PTPRM: variants seen among roughly 807,000 people sequenced by gnomAD.
The protein encoded by PTPRM is protein tyrosine phosphatase receptor type M.
Under a neutral mutation model 186.7 loss-of-function variants are expected in PTPRM, and 47 were observed. That is an observed-to-expected ratio of 0.25 (90% CI 0.20 to 0.32). The LOEUF is 0.32. Ranked by LOEUF, PTPRM falls within the 10% of genes least tolerant of loss-of-function variation. The probability of loss-of-function intolerance (pLI) is 1.00; values close to 1 mark genes in which losing one functional copy is unlikely to be tolerated. For synonymous variants in PTPRM, 668 were observed against 674.9 expected, an observed-to-expected ratio of 0.99 and a Z score of 0.16; for missense variants, 1,494 against 1,865.0, an observed-to-expected ratio of 0.80 and a Z score of 3.66.
rs377182615 is a variant in PTPRM, at chr18:7,842,930, G to GTGTA, written c.197-45175_197-45174insGTAT. Among the ~76,000 whole-genome samples, 954 of 100,842 alleles carry GTGTA rather than the reference G, an allele frequency of 9.5e-3. 12 individuals are homozygous for GTGTA. The highest frequency in any genetic ancestry group is 0.017 in the South Asian group (50 of 2,920). The allele number at this position is 100,842 out of a possible 152,430, so 66.2% of individuals were successfully genotyped here. On this transcript the variant is annotated intron_variant, in intron 2 of 32. Coordinates refer to ENST00000580170, the MANE Select transcript of PTPRM (RefSeq NM_001105244.2). ...CTCATATGTGTGTGTGTGTGTGTGTGTATATATATATATATATAGAGAGAG... is the reference window on the plus strand; with the variant it reads ...CTCATATGTGTGTGTGTGTGTGTGTGTGTATATATATATATATATATAGAGAGAG...
chr18:8,369,070 TGGATG>T (rs374049189), intron 23 of PTPRM, among the ~76,000 whole-genome samples: 2 of 151,944 alleles, frequency 1.3e-5, no homozygotes, highest in African/African-American at 4.8e-5. Context: ...TGGGAAGAAA[TGGATG>T]GGAGGAGAAT....
At chr18:7,761,394 C>T (rs971621683) in intron 1 of PTPRM, among the ~76,000 whole-genome samples, 8 of 152,112 alleles carry the variant, frequency 5.3e-5, no homozygotes, top group Non-Finnish European at 5.9e-5. Context: ...GAAACAAAAG[C>T]GGCAGACACA....
chr18:7,701,439 A>G lies in PTPRM; in HGVS notation c.74-72710A>G, dbSNP rs1472237900. Reference sequence around the variant, plus strand: ...CGTGGTGAAACCCCATCTCTACTAAAAATAAAAAAAAGTAGCTGGGCGTGG... The same window carrying G: ...CGTGGTGAAACCCCATCTCTACTAAGAATAAAAAAAAGTAGCTGGGCGTGG... On this transcript the variant is annotated intron_variant, in intron 1 of 32. Coordinates refer to ENST00000580170, the MANE Select transcript of PTPRM (RefSeq NM_001105244.2). Among the ~76,000 whole-genome samples, 3 of 151,416 alleles carry G rather than the reference A, an allele frequency of 2.0e-5. No homozygotes were observed. In the East Asian group the frequency reaches 5.8e-4, roughly 29 times the overall value.
chr18:7,854,189 C>T (rs1400477675), intron 2 of PTPRM, among the ~76,000 whole-genome samples: 1 of 152,144 alleles, frequency 6.6e-6, no homozygotes, highest in East Asian at 1.9e-4. Flanking sequence ...TGGTTGTCTA[C>T]CATTTTCCAG....
chr18:7,910,149 T>C (rs913516013), intron 4 of PTPRM, among the ~76,000 whole-genome samples: 16 of 152,368 alleles, frequency 1.1e-4, no homozygotes, highest in Non-Finnish European at 1.9e-4. Context: ...ATCACTGACA[T>C]AATTTATCCA....
At chr18:7,981,359 G>A (rs968418771) in intron 7 of PTPRM, among the ~76,000 whole-genome samples, 2 of 152,156 alleles carry the variant, frequency 1.3e-5, no homozygotes, top group African/African-American at 4.8e-5. Context: ...ACAGCACCTA[G>A]CCTAGTGTGG....
intron 2 of PTPRM, among the ~76,000 whole-genome samples, chr18:7,815,982 A>C (rs907261223): frequency 1.3e-5 from 2 of 152,220 alleles, no homozygotes; most frequent in African/African-American, 4.8e-5. Context: ...AAGAGAGTCT[A>C]ATTTAACAGG....
chr18:7,947,134 G>T (rs989375027), intron 5 of PTPRM, among the ~76,000 whole-genome samples: 5 of 152,230 alleles, frequency 3.3e-5, no homozygotes, highest in African/African-American at 1.2e-4. Flanking sequence ...AGGTTTATCA[G>T]TAATAAAGGT....
At chr18:7,912,668 C>G (rs961430919) in intron 4 of PTPRM, among the ~76,000 whole-genome samples, 1 of 146,742 alleles carries the variant, frequency 6.8e-6, no homozygotes, top group Non-Finnish European at 1.5e-5. Flanking sequence ...CCCGCCACCA[C>G]GCCCGGCTAA....
intron 7 of PTPRM, among the ~76,000 whole-genome samples, chr18:7,986,023 T>G (rs2082945796): frequency 6.6e-6 from 1 of 152,140 alleles, no homozygotes; most frequent in Admixed American, 6.5e-5. Flanking sequence ...ACTTTCAGAA[T>G]TCCTCAGAAA....
intron 2 of PTPRM, among the ~76,000 whole-genome samples, chr18:7,876,460 A>G (rs1204612789): frequency 6.6e-6 from 1 of 152,222 alleles, no homozygotes; most frequent in Non-Finnish European, 1.5e-5. Flanking sequence ...AACAACACTC[A>G]TAGCTGATAA....
In PTPRM at chr18:8,249,193, TG is replaced by T. The variant is rs550920305; in HGVS notation, c.2554+1018del. Among the ~76,000 whole-genome samples, 795 of 152,348 alleles carry T rather than the reference TG, an allele frequency of 5.2e-3. 7 individuals carry two copies. The highest frequency in any genetic ancestry group is 0.018 in the African/African-American group (753 of 41,588). ...GACAAGGGTTTATATCTTTCCAACA[TG>T]ATTTTTCCCCCCTCTGCTTCTCTTT... On this transcript the variant is annotated intron_variant, in intron 17 of 32. Transcript: ENST00000580170.
At chr18:8,240,843 A>AAAAG (rs571762632) in intron 14 of PTPRM, among the ~76,000 whole-genome samples, 4 of 79,998 alleles carry the variant, frequency 5.0e-5, no homozygotes, top group Admixed American at 2.2e-4. Flanking sequence ...AGAAAGAAAG[A>AAAAG]AAAGAAAGAA....
intron 1 of PTPRM, among the ~76,000 whole-genome samples, chr18:7,730,827 C>T (rs1330497966): frequency 6.6e-6 from 1 of 152,170 alleles, no homozygotes; most frequent in Admixed American, 6.5e-5. Context: ...GATTGCACTT[C>T]ACATCACACA....
intron 2 of PTPRM, among the ~76,000 whole-genome samples, chr18:7,857,604 C>T (rs1426887142): frequency 1.3e-5 from 2 of 152,154 alleles, no homozygotes; most frequent in Non-Finnish European, 2.9e-5. Flanking sequence ...CTGTCTTCTC[C>T]ATTTGCCCTT....
intron 2 of PTPRM, among the ~76,000 whole-genome samples, chr18:7,819,637 C>A (rs892160036): frequency 1.3e-5 from 2 of 152,208 alleles, no homozygotes; most frequent in African/African-American, 4.8e-5. Context: ...AGGCAAGAAC[C>A]CTGGGATACA....
intron 23 of PTPRM, among the ~76,000 whole-genome samples, chr18:8,363,431 C>T (rs1032572930): frequency 6.6e-6 from 1 of 152,148 alleles, no homozygotes; most frequent in African/African-American, 2.4e-5. Flanking sequence ...ACAGAAAATA[C>T]GGATTTCTTT....
chr18:7,807,815 G>A (rs1481990598), intron 2 of PTPRM, among the ~76,000 whole-genome samples: 4 of 152,180 alleles, frequency 2.6e-5, no homozygotes, highest in East Asian at 1.9e-4. Flanking sequence ...GAATATATGC[G>A]ATTTTTGACT....
intron 14 of PTPRM, among the ~76,000 whole-genome samples, chr18:8,211,377 CTTT>C (rs970926126): frequency 1.0e-3 from 87 of 87,226 alleles, no homozygotes; most frequent in African/African-American, 3.0e-3. Flanking sequence ...GTCTCTTCTT[CTTT>C]TTTTTTTTTT....
Sources: allele counts gnomAD v4.1 joint callset (sites outside exome capture counted in the v4.1 genomes callset), GRCh38; gene constraint gnomAD v4.1.1; transcripts MANE v1.5; gene names NCBI Gene and HGNC (gene_info 2026-07-23, HGNC 2026-07-21).